SYNE2: variants seen among roughly 807,000 people sequenced by gnomAD.
The protein encoded by SYNE2 is spectrin repeat containing nuclear envelope protein 2.
In SYNE2, 431 loss-of-function variants were observed where a neutral mutation model predicts 856.3. The observed-to-expected ratio is 0.50, with a 90% confidence interval of 0.47 to 0.55. SYNE2 has a LOEUF of 0.55. Ranked by LOEUF, SYNE2 falls within the 20% of genes least tolerant of loss-of-function variation. The probability of loss-of-function intolerance (pLI) is 0.00; values close to 1 mark genes in which losing one functional copy is unlikely to be tolerated. For synonymous variants in SYNE2, 2,923 were observed against 2,872.3 expected, an observed-to-expected ratio of 1.02 and a Z score of -0.56; for missense variants, 8,129 against 8,023.2, an observed-to-expected ratio of 1.01 and a Z score of -0.50.
At chr14:63,902,774 G>T (rs1179494604) in intron 1 of SYNE2, among the ~76,000 whole-genome samples, 2 of 151,740 alleles carry the variant, frequency 1.3e-5, no homozygotes, top group Non-Finnish European at 2.9e-5. Context: ...ACTCACTGCA[G>T]CCTTGACCTC....
chr14:64,188,243 C>T lies in SYNE2; in HGVS notation c.17713-307C>T, dbSNP rs537241093. Among the ~76,000 whole-genome samples the T allele has an allele frequency of 1.1e-4, 16 of 152,340 alleles. 1 individual carries two copies. The highest frequency in any genetic ancestry group is 3.4e-4 in the African/African-American group (14 of 41,576). On this transcript the variant is annotated intron_variant, in intron 97 of 115. Transcript: ENST00000555002. ...GCAAGGATTTGGGTTATATCTTCAT[C>T]TAGCCTTTCCTGTTTCTAATTTTTA...
chr14:64,160,261 C>T (rs1410894494), intron 87 of SYNE2, among the ~76,000 whole-genome samples: 1 of 152,188 alleles, frequency 6.6e-6, no homozygotes, highest in African/African-American at 2.4e-5. Context: ...TATGGCAGGG[C>T]AGTCTGTTGG....
chr14:64,002,721 A>G lies in SYNE2; in HGVS notation c.3788A>G (p.Asn1263Ser), dbSNP rs1021504217. 6.2e-7 allele frequency: 1 copy of G among 1,611,442 alleles called. No homozygotes were observed. The highest frequency in any genetic ancestry group is 8.5e-7 in the Non-Finnish European group (1 of 1,179,664). ...DADRIYQHLR[N>S]IQDSIAKQIE... ...TAGCTTTTCTTATCTTTATTTTAGA[A>G]TATCCAAGATTCCATAGCAAAACAG... Residue 1263 changes from asparagine (N) to serine (S), a missense_variant and splice_region_variant, in exon 30 of 116, where the codon AAT (asparagine) becomes AGT (serine). Coordinates refer to ENST00000555002, the MANE Select transcript of SYNE2 (RefSeq NM_182914.3).
In SYNE2 at chr14:64,134,180, G is replaced by C; in HGVS notation, c.14626G>C (p.Glu4876Gln). 6.2e-7 allele frequency: 1 copy of C among 1,614,072 alleles called. No individual in the cohort carries two copies. Among genetic ancestry groups the C allele is most frequent in the Non-Finnish European group, 8.5e-7 (1 of 1,179,980 alleles). Residue 4876 changes from glutamate (E) to glutamine (Q), a missense_variant, in exon 78 of 116, where the codon GAA (glutamate) becomes CAA (glutamine). Around this residue, in one of 3 missense-constraint regions of SYNE2, gnomAD observed 5,410 missense variants for 5,284.8 expected, o/e 1.02. Coordinates refer to ENST00000555002, the MANE Select transcript of SYNE2 (RefSeq NM_182914.3). ...LVEETEERLV[E>Q]RISFYQQIKR... is the part of the protein sequence containing the mutation. ...GGAAGAAACAGAGGAAAGATTAGTG[G>C]AAAGGATTTCATTTTACCAGGTATT...
At chr14:63,817,233 G>C (rs376341934) in intron 1 of SYNE2, among the ~76,000 whole-genome samples, 3 of 152,282 alleles carry the variant, frequency 2.0e-5, no homozygotes, top group African/African-American at 7.2e-5. Flanking sequence ...TCCGAGGCAG[G>C]TGGATTGCTT....
intron 1 of SYNE2, among the ~76,000 whole-genome samples, chr14:63,799,772 C>T (rs139728506): frequency 2.0e-5 from 3 of 152,222 alleles, no homozygotes; most frequent in Admixed American, 6.5e-5. Flanking sequence ...GTAAATTACT[C>T]AAGTATTTCT....
intron 1 of SYNE2, among the ~76,000 whole-genome samples, chr14:63,802,541 T>C (rs1281430086): frequency 6.6e-6 from 1 of 152,170 alleles, no homozygotes; most frequent in Non-Finnish European, 1.5e-5. Context: ...AAGGCATGAT[T>C]ATGTTTTAAA....
intron 1 of SYNE2, among the ~76,000 whole-genome samples, chr14:63,893,682 A>G (rs1340273384): frequency 6.6e-6 from 1 of 152,240 alleles, no homozygotes; most frequent in Non-Finnish European, 1.5e-5. Context: ...GCTACATAAT[A>G]AAGATAAAAC....
intron 1 of SYNE2, among the ~76,000 whole-genome samples, chr14:63,830,025 G>A (rs373864437): frequency 4.6e-5 from 7 of 152,208 alleles, no homozygotes; most frequent in African/African-American, 1.7e-4. Flanking sequence ...ATTCTATACG[G>A]GATATTATTT....
chr14:64,070,538 A>C (rs1319282046), intron 51 of SYNE2, 107 bp from the exon 52 acceptor site: 1 of 913,976 alleles, frequency 1.1e-6, no homozygotes, highest in East Asian at 2.6e-5. Flanking sequence ...AGGATATGGC[A>C]CTAGGAACCC....
chr14:64,017,968 TG>T (rs1029754392), intron 34 of SYNE2, among the ~76,000 whole-genome samples: 1 of 152,240 alleles, frequency 6.6e-6, no homozygotes, highest in African/African-American at 2.4e-5. Context: ...TGCTAGATCT[TG>T]TTATATAATG....
chr14:63,762,493 C>T (rs1595087275), intron 1 of SYNE2, among the ~76,000 whole-genome samples: 1 of 135,566 alleles, frequency 7.4e-6, no homozygotes. Context: ...CTATCAAGAA[C>T]TTTTTTTTTT....
chr14:64,134,952 G>A (rs911001966), intron 78 of SYNE2, among the ~76,000 whole-genome samples: 3 of 152,022 alleles, frequency 2.0e-5, no homozygotes, highest in Non-Finnish European at 4.4e-5. Flanking sequence ...ATGCCATTGC[G>A]CTCCAGCCTG....
intron 6 of SYNE2, among the ~76,000 whole-genome samples, chr14:63,949,012 G>C (rs1451855139): frequency 6.6e-6 from 1 of 151,670 alleles, no homozygotes; most frequent in African/African-American, 2.4e-5. Flanking sequence ...TGTTGGTAGT[G>C]CTTGCCAGAT....
intron 57 of SYNE2, 53 bp from the exon 58 acceptor site, chr14:64,087,618 T>G: frequency 6.4e-7 from 1 of 1,559,218 alleles, no homozygotes; most frequent in African/African-American, 1.4e-5. Context: ...TTAATCAGCT[T>G]ATATCAGGAT....
Position 64,065,435 on chromosome 14 carries a change from T to G in SYNE2, c.10216T>G (p.Leu3406Val), listed in dbSNP as rs573782789. ...ALERLEQSKA[L>V]VSNLISTKEE... is the part of the protein sequence containing the mutation. Reference sequence around the variant, plus strand: ...TTTTTTTCTTTTCTTTCTTAAGGCCTTGGTGTCAAATCTTATATCAACCAA... The same window carrying G: ...TTTTTTTCTTTTCTTTCTTAAGGCCGTGGTGTCAAATCTTATATCAACCAA... The change falls in exon 51 of 116, where the codon TTG becomes GTG. Residue 3406 changes from leucine (L) to valine (V), a missense_variant. Transcript: ENST00000555002. 1 of 1,614,078 alleles carries G rather than the reference T, an allele frequency of 6.2e-7. No homozygotes were observed. Among genetic ancestry groups the G allele is most frequent in the African/African-American group, 1.3e-5 (1 of 75,038 alleles).
chr14:64,152,749 C>T (rs774439203), intron 85 of SYNE2, 33 bp downstream of exon 85: 15 of 1,612,942 alleles, frequency 9.3e-6, no homozygotes, highest in Non-Finnish European at 1.3e-5. Context: ...TGCTATTTCT[C>T]TTCACATATT....
chr14:63,876,613 G>T (rs942199736), intron 1 of SYNE2, among the ~76,000 whole-genome samples: 2 of 151,518 alleles, frequency 1.3e-5, no homozygotes, highest in African/African-American at 2.4e-5. Context: ...TCAGGCTCCC[G>T]AGTAGCTGGG....
chr14:64,100,566 ATATATT>A (rs1347720299), intron 63 of SYNE2, among the ~76,000 whole-genome samples: 2 of 132,132 alleles, frequency 1.5e-5, no homozygotes, highest in African/African-American at 5.8e-5. Context: ...ATATATATAT[ATATATT>A]TATGACATGT....
Sources: gnomAD v4.1 joint callset for allele counts (sites outside exome capture counted in the v4.1 genomes callset) on GRCh38, gnomAD v4.1.1 for gene constraint, gnomAD v4.1.1 regional missense constraint, MANE v1.5 for transcripts, NCBI Gene and HGNC (gene_info 2026-07-23, HGNC 2026-07-21) for gene names.